Variants in RIT1 observed in about 807,000 individuals in gnomAD.
RIT1 encodes GTP-binding protein Rit1.
Under a neutral mutation model 25.6 loss-of-function variants are expected in RIT1, and 6 were observed. The observed-to-expected ratio is 0.23, with a 90% CI of 0.13 to 0.46. The LOEUF is 0.46. Ranked by LOEUF, RIT1 falls within the 20% of genes least tolerant of loss-of-function variation. The pLI is 0.99. For synonymous variants in RIT1, 81 were observed against 94.1 expected (o/e 0.86, Z 0.80); for missense variants, 219 against 284.4 (o/e 0.77, Z 1.65).
In RIT1 at chr1:155,898,857, T is replaced by C. The variant is rs1370520194; in HGVS notation, c.*1531A>G. On this transcript the variant is annotated 3_prime_UTR_variant, in exon 6 of 6. Transcript: ENST00000368323. ...GAGCTAAAAAAGTTCTAACAGTCAC[T>C]TTTTAAAAAAGCTAGTTTATCATTT... The C allele has an allele frequency of 5.1e-6, 1 of 196,868 alleles. No homozygotes were observed. The highest frequency in any genetic ancestry group is 7.8e-5 in the East Asian group (1 of 12,776). 12.2% of individuals were successfully genotyped at this position (196,868 alleles called of 1,614,324 possible).
Position 155,910,670 on chromosome 1 carries a change from C to G in RIT1, c.92G>C (p.Gly31Ala). ...ATGTTACCTACCACTCTTCCCTACA[C>G]CACCAGCACCCAGCATCACTAGTTT... ...EYKLVMLGAG[G>A]VGKSAMTMQF... Residue 31 changes from glycine (G) to alanine (A), a missense_variant, in exon 2 of 6, where the codon GGT becomes GCT. Around this residue, in one of 3 missense-constraint regions of RIT1, gnomAD observed 131 missense variants for 173.6 expected, o/e 0.75. Coordinates refer to ENST00000368323, the MANE Select transcript of RIT1 (RefSeq NM_006912.6). 6.2e-7 allele frequency: 1 copy of G among 1,614,228 alleles called. No homozygotes were observed. The highest frequency in any genetic ancestry group is 8.5e-7 in the Non-Finnish European group (1 of 1,180,024).
rs148764677 is a variant in RIT1 at position 155,900,532 on chromosome 1, A to G, written c.516T>C (p.Asp172=). The change falls in exon 6 of 6, where the codon GAT becomes GAC. Residue 172 remains aspartate, a synonymous_variant. Transcript: ENST00000368323. ...CCCGTACAAGGGCATGGAAAACATC[A>G]TCAATATAGTAGCGGTATGCAGCAG... The part of the protein sequence containing the change: ...ETSAAYRYYI[D]DVFHALVREI... The G allele has an allele frequency of 2.5e-6, 4 of 1,614,058 alleles. No homozygotes were observed. The African/African-American group carries it at 5.3e-5, about 22-fold the overall frequency.
chr1:155,907,240 C>CTTTTT (rs773275927), intron 3 of RIT1, among the ~76,000 whole-genome samples: 3 of 139,072 alleles, frequency 2.2e-5, no homozygotes, highest in Non-Finnish European at 1.6e-5. Flanking sequence ...CATTCATATG[C>CTTTTT]TTTTTTTTTT....
At chr1:155,907,224 T>G (rs1379461261) in intron 3 of RIT1, among the ~76,000 whole-genome samples, 1 of 151,530 alleles carries the variant, frequency 6.6e-6, no homozygotes, top group African/African-American at 2.4e-5. Flanking sequence ...TATATACATA[T>G]GCACACATTC....
In RIT1 at chr1:155,910,717, G is replaced by C. The variant is rs748838734; in HGVS notation, c.45C>G (p.Pro15=). 5.6e-5 allele frequency: 90 copies of C among 1,614,108 alleles called. No individual in the cohort carries two copies. Among genetic ancestry groups the C allele is most frequent in the Non-Finnish European group, 6.7e-5 (79 of 1,180,044 alleles). Residue 15 remains proline, a synonymous_variant, in exon 2 of 6, where the codon CCC becomes CCG. Coordinates refer to ENST00000368323, the MANE Select transcript of RIT1 (RefSeq NM_006912.6). ...GTTTGTACTCCCGTGAGAGCCCAGC[G>C]GGGCTGCTACAGCAGCTACCAACTG... ...TRPVGSCCSS[P]AGLSREYKLV...
At chr1:155,904,590 G>T in intron 4 of RIT1, 88 bp from the exon 5 acceptor site, 2 of 1,308,318 alleles carry the variant, frequency 1.5e-6, no homozygotes, top group Non-Finnish European at 2.2e-6. Context: ...TAAAGAAAAC[G>T]CATGTCGATT....
At chr1:155,904,685 G>C (rs1276927286) in intron 4 of RIT1, 46 bp downstream of exon 4, 1 of 1,421,530 alleles carries the variant, frequency 7.0e-7, no homozygotes, top group Admixed American at 1.7e-5. Flanking sequence ...CCTCCCCTTT[G>C]CTAGAGTAAA....
chr1:155,898,518 A>AAAATAT lies in RIT1; in HGVS notation c.*1869_*1870insATATTT, dbSNP rs1557956996. On this transcript the variant is annotated 3_prime_UTR_variant, in exon 6 of 6. Coordinates refer to ENST00000368323, the MANE Select transcript of RIT1 (RefSeq NM_006912.6). ...AAAAAAAAAAAAAAAAAAAAAAAAAAATATATATATATATATATATATATA... is the reference window on the plus strand; with the variant it reads ...AAAAAAAAAAAAAAAAAAAAAAAAAAAAATATATATATATATATATATATATATATA... 4.9e-5 allele frequency: 2 copies of AAAATAT among 40,758 alleles called. No individual in the cohort carries two copies. The highest frequency in any genetic ancestry group is 1.5e-4 in the African/African-American group (2 of 13,116). The allele number at this position is 40,758 out of a possible 1,614,324, so 2.5% of individuals were successfully genotyped here. A position where few individuals can be genotyped will look rare whatever the true frequency, so the allele number is the denominator to read the frequency against.
chr1:155,900,881 T>C (rs537735824), intron 5 of RIT1, among the ~76,000 whole-genome samples: 2 of 152,228 alleles, frequency 1.3e-5, no homozygotes, highest in Non-Finnish European at 2.9e-5. Context: ...TGCAATGGCA[T>C]GATTGTGGCT....
intron 3 of RIT1, among the ~76,000 whole-genome samples, chr1:155,907,699 G>A (rs1434102761): frequency 6.6e-6 from 1 of 152,236 alleles, no homozygotes; most frequent in African/African-American, 2.4e-5. Flanking sequence ...AGGGTAAGCA[G>A]TGCTTGGCAC....
intron 3 of RIT1, among the ~76,000 whole-genome samples, chr1:155,909,076 C>T (rs1255487126): frequency 4.0e-5 from 6 of 151,818 alleles, no homozygotes; most frequent in Non-Finnish European, 8.8e-5. Context: ...CAAAGAGTGT[C>T]ACATACTGAA....
At chr1:155,911,209 T>A in intron 1 of RIT1, 34 bp downstream of exon 1, 2 of 325,152 alleles carry the variant, frequency 6.2e-6, no homozygotes, top group Non-Finnish European at 5.2e-6. Flanking sequence ...CACCCCCAGC[T>A]GCTGCTCCGC....
intron 5 of RIT1, among the ~76,000 whole-genome samples, chr1:155,901,019 T>G (rs1673301665): frequency 6.6e-6 from 1 of 152,214 alleles, no homozygotes; most frequent in East Asian, 1.9e-4. Context: ...TTCTCCATGT[T>G]GGTCAGGCTG....
At chr1:155,904,698 A>T (rs374796711) in intron 4 of RIT1, 33 bp downstream of exon 4, 2 of 1,502,992 alleles carry the variant, frequency 1.3e-6, no homozygotes, top group African/African-American at 1.4e-5. Context: ...AGAGTAAAAA[A>T]GCCTTTACTC....
chr1:155,904,388 T>G lies in RIT1; in HGVS notation c.352A>C (p.Ile118Leu). ...FHEVREFKQL[I>L]YRVRRTDDTP... ...TCGTCAGTACGTCGGACTCGATAAA[T>G]AAGCTGTTTAAACTCACGAACTTCA... The change falls in exon 5 of 6, where the codon ATT becomes CTT. Residue 118 changes from isoleucine (I) to leucine (L), a missense_variant. Coordinates refer to ENST00000368323, the MANE Select transcript of RIT1 (RefSeq NM_006912.6). 1 of 1,614,104 alleles carries G rather than the reference T, an allele frequency of 6.2e-7. No homozygotes were observed. The highest frequency in any genetic ancestry group is 8.5e-7 in the Non-Finnish European group (1 of 1,179,958).
chr1:155,903,669 T>C (rs1422972871), intron 5 of RIT1, among the ~76,000 whole-genome samples: 1 of 152,098 alleles, frequency 6.6e-6, no homozygotes, highest in African/African-American at 2.4e-5. Flanking sequence ...CTATAAATTT[T>C]TTCCAATGGA....
In RIT1 at chr1:155,908,562, AT is replaced by A. The variant is rs397745289; in HGVS notation, c.163+1887del. ...CCGCCATAATTTGAATCTCTGAACA[AT>A]TTTTTTTTTTTTTTTTGAGACAAAA... On this transcript the variant is annotated intron_variant, in intron 3 of 5. Transcript: ENST00000368323. Among the ~76,000 whole-genome samples the A allele has an allele frequency of 8.2e-3, 1,144 of 139,722 alleles. 3 individuals are homozygous for A. The highest frequency in any genetic ancestry group is 0.017 in the African/African-American group (631 of 38,054). 91.7% of individuals were successfully genotyped at this position (139,722 alleles called of 152,430 possible).
chr1:155,904,710 T>C (rs1673398371), intron 4 of RIT1, 21 bp downstream of exon 4: 4 of 1,578,332 alleles, frequency 2.5e-6, no homozygotes, highest in Non-Finnish European at 1.7e-6. Flanking sequence ...CCTTTACTCA[T>C]AACATTCTGG....
intron 3 of RIT1, 199 bp downstream of exon 3, chr1:155,910,251 A>C: frequency 3.4e-6 from 2 of 581,732 alleles, no homozygotes; most frequent in Admixed American, 6.3e-5. Context: ...AGAGACAAAG[A>C]CTAAAGATGG....
Sources: gnomAD v4.1 joint callset for allele counts (sites outside exome capture counted in the v4.1 genomes callset) on GRCh38, gnomAD v4.1.1 for gene constraint, gnomAD v4.1.1 regional missense constraint, MANE v1.5 for transcripts, NCBI Gene and HGNC (gene_info 2026-07-23, HGNC 2026-07-21) for gene names.